The following LRRC4C variants were observed in gnomAD, a reference collection of about 807,000 sequenced individuals.
LRRC4C encodes leucine-rich repeat-containing protein 4C.
Under a neutral mutation model 33.6 loss-of-function variants are expected in LRRC4C, and 5 were observed. The observed-to-expected ratio is 0.15, with a 90% CI of 0.08 to 0.31. LRRC4C has a LOEUF of 0.31. Among genes scored for constraint, LRRC4C ranks in the 10% least tolerant of loss-of-function variants. The pLI is 1.00. For missense variants in LRRC4C, 560 were observed against 796.7 expected, an observed-to-expected ratio of 0.70 and a Z score of 3.58; for synonymous variants, 329 against 302.0, an observed-to-expected ratio of 1.09 and a Z score of -0.93.
chr11:41,297,347 T>C (rs1461729223), intron 1 of LRRC4C, among the ~76,000 whole-genome samples: 2 of 152,214 alleles, frequency 1.3e-5, no homozygotes, highest in African/African-American at 4.8e-5. Context: ...TATGGTTTTG[T>C]TCCCTTGTGA....
chr11:41,367,066 C>T (rs1952570529), intron 1 of LRRC4C, among the ~76,000 whole-genome samples: 1 of 152,194 alleles, frequency 6.6e-6, no homozygotes, highest in South Asian at 2.1e-4. Context: ...TTCTTTCTAT[C>T]TCACTGCAGT....
At chr11:40,851,043 G>A (rs550736862) in intron 2 of LRRC4C, among the ~76,000 whole-genome samples, 1 of 152,312 alleles carries the variant, frequency 6.6e-6, no homozygotes, top group African/African-American at 2.4e-5. Flanking sequence ...TTTCAAGCCA[G>A]TGGATCTTAG....
At chr11:41,455,298 TGTA>T (rs1225647885) in intron 1 of LRRC4C, among the ~76,000 whole-genome samples, 2 of 152,132 alleles carry the variant, frequency 1.3e-5, no homozygotes, top group African/African-American at 4.8e-5. Flanking sequence ...TAGTAGTCTG[TGTA>T]TGTCCAAGTC....
At chr11:41,198,157 C>T (rs1245534455) in intron 1 of LRRC4C, among the ~76,000 whole-genome samples, 14 of 151,900 alleles carry the variant, frequency 9.2e-5, no homozygotes, top group Admixed American at 8.5e-4. Context: ...ATGGATAAAT[C>T]TATAGATTTT....
chr11:40,884,515 T>C (rs1391132908), intron 2 of LRRC4C, among the ~76,000 whole-genome samples: 1 of 152,056 alleles, frequency 6.6e-6, no homozygotes, highest in Non-Finnish European at 1.5e-5. Context: ...ATTAAACGAA[T>C]TTACACTCCC....
intron 2 of LRRC4C, among the ~76,000 whole-genome samples, chr11:40,839,344 T>G (rs1054878767): frequency 2.2e-4 from 34 of 152,060 alleles, no homozygotes; most frequent in African/African-American, 8.2e-4. Flanking sequence ...TCAGCAATTC[T>G]CAAGCAATTC....
intron 3 of LRRC4C, among the ~76,000 whole-genome samples, chr11:40,488,007 A>G (rs1315948923): frequency 2.0e-5 from 3 of 152,120 alleles, no homozygotes; most frequent in East Asian, 3.8e-4. Context: ...AATGACTTTC[A>G]AGATTTTAAT....
intron 1 of LRRC4C, among the ~76,000 whole-genome samples, chr11:41,383,435 A>C (rs2137913533): frequency 6.6e-6 from 1 of 152,152 alleles, no homozygotes; most frequent in East Asian, 1.9e-4. Flanking sequence ...TTTGTGCCAT[A>C]ATGTAGGTGG....
At chr11:40,267,974 C>CT (rs763544196) in intron 4 of LRRC4C, among the ~76,000 whole-genome samples, 5 of 152,128 alleles carry the variant, frequency 3.3e-5, no homozygotes, top group Admixed American at 1.3e-4. Context: ...CCTTGTGCCT[C>CT]TTTTTTCTGG....
chr11:40,566,731 T>C (rs1315778235), intron 3 of LRRC4C, among the ~76,000 whole-genome samples: 1 of 152,150 alleles, frequency 6.6e-6, no homozygotes, highest in Non-Finnish European at 1.5e-5. Context: ...TGGTTAAAGC[T>C]AACATTATTG....
intron 5 of LRRC4C, among the ~76,000 whole-genome samples, chr11:40,147,461 A>G (rs766994203): frequency 1.6e-4 from 24 of 152,006 alleles, no homozygotes; most frequent in Non-Finnish European, 1.3e-4. Flanking sequence ...CTAGATTCCA[A>G]CCTTATCACC....
At position 40,626,469 on chromosome 11, in the gene LRRC4C, C is replaced by T. The variant is rs1057044922; in HGVS notation, c.-270+21673G>A. ...TTTTTGACCAGTATGTTCCTAGTAC[C>T]TATAAATGTGCTTCACATAGCACAG... is the stretch of plus-strand genomic sequence containing the variant. On this transcript the variant is annotated intron_variant, in intron 3 of 6. Transcript: ENST00000528697. Among the ~76,000 whole-genome samples, 7 of 152,096 alleles carry T rather than the reference C, an allele frequency of 4.6e-5. No homozygotes were observed. In the East Asian group the frequency reaches 9.6e-4, roughly 21 times the overall value.
At chr11:40,779,647 C>T (rs10837502) in intron 2 of LRRC4C, among the ~76,000 whole-genome samples, 81,255 of 151,898 alleles carry the variant, frequency 0.53, 22,272 homozygotes, top group Middle Eastern at 0.62. Context: ...GTTATAGAGT[C>T]ACGTATCTGG....
rs894736551 is a variant in LRRC4C at position 41,443,915 on chromosome 11, G to A, written c.-496+15516C>T. Among the ~76,000 whole-genome samples the A allele has an allele frequency of 5.3e-5, 8 of 151,778 alleles. No homozygotes were observed. The East Asian group carries it at 7.8e-4, about 15-fold the overall frequency. On this transcript the variant is annotated intron_variant, in intron 1 of 6. Transcript: ENST00000528697. The stretch of plus-strand genomic sequence containing the variant: ...TGGGATTACAGGTGCGAGCCACTGC[G>A]CCCAGCCGGGAGCCTCAATTTCATA...
At chr11:40,917,111 A>G (rs1207711808) in intron 2 of LRRC4C, among the ~76,000 whole-genome samples, 1 of 152,136 alleles carries the variant, frequency 6.6e-6, no homozygotes, top group Admixed American at 6.6e-5. Context: ...TAATGAGTTT[A>G]CTTCAATAAT....
At chr11:41,456,036 C>T (rs1000603492) in intron 1 of LRRC4C, among the ~76,000 whole-genome samples, 1 of 152,054 alleles carries the variant, frequency 6.6e-6, no homozygotes, top group Non-Finnish European at 1.5e-5. Flanking sequence ...TCAATTAATC[C>T]ATCTTTTATT....
At chr11:40,135,345 A>G (rs1269913193) in intron 6 of LRRC4C, among the ~76,000 whole-genome samples, 7 of 152,154 alleles carry the variant, frequency 4.6e-5, no homozygotes, top group Non-Finnish European at 8.8e-5. Flanking sequence ...TTTTTGCACA[A>G]TTCCTATATT....
intron 6 of LRRC4C, among the ~76,000 whole-genome samples, chr11:40,121,795 T>G (rs1855847502): frequency 6.6e-6 from 1 of 152,190 alleles, no homozygotes; most frequent in Non-Finnish European, 1.5e-5. Context: ...TGTCTAAACG[T>G]TAGAACTAGT....
intron 3 of LRRC4C, among the ~76,000 whole-genome samples, chr11:40,404,848 T>C (rs895358510): frequency 6.6e-6 from 1 of 151,820 alleles, no homozygotes; most frequent in African/African-American, 2.4e-5. Flanking sequence ...ATATTTAAGG[T>C]ATACAATATA....
Sources: allele counts gnomAD v4.1 joint callset (sites outside exome capture counted in the v4.1 genomes callset), GRCh38; gene constraint gnomAD v4.1.1; transcripts MANE v1.5; gene names NCBI Gene and HGNC (gene_info 2026-07-23, HGNC 2026-07-21).